OLFM3: variants seen among roughly 807,000 people sequenced by gnomAD.
OLFM3 encodes olfactomedin 3.
A neutral mutation model predicts 48.6 loss-of-function variants in OLFM3; 20 were observed. The ratio of observed to expected loss-of-function variants is 0.41; its 90% CI spans 0.29 to 0.60. The LOEUF (loss-of-function observed/expected upper bound fraction) is 0.60, where lower values mean the gene tolerates loss of function less well. Among genes scored for constraint, OLFM3 ranks in the 20% least tolerant of loss-of-function variants. The pLI, the probability that OLFM3 is intolerant of heterozygous loss-of-function variation, is 0.28. For missense variants in OLFM3, 437 were observed against 544.3 expected, an observed-to-expected ratio of 0.80 and a Z score of 1.96; for synonymous variants, 222 against 198.1, an observed-to-expected ratio of 1.12 and a Z score of -1.01.
At chr1:101,969,705 T>G (rs1481285424) in intron 1 of OLFM3, among the ~76,000 whole-genome samples, 1 of 152,082 alleles carries the variant, frequency 6.6e-6, no homozygotes, top group Admixed American at 6.6e-5. Flanking sequence ...AGATTTGCCT[T>G]CTTACTGATT....
intron 1 of OLFM3, among the ~76,000 whole-genome samples, chr1:101,996,220 CAG>C (rs978388846): frequency 2.0e-5 from 3 of 152,128 alleles, no homozygotes; most frequent in African/African-American, 7.2e-5. Flanking sequence ...TCAGCCATGG[CAG>C]AGAGTATAGC....
intron 1 of OLFM3, among the ~76,000 whole-genome samples, chr1:101,845,284 T>C (rs1012124458): frequency 6.6e-5 from 10 of 152,074 alleles, no homozygotes; most frequent in South Asian, 2.1e-4. Flanking sequence ...CAACTAACAA[T>C]TTTTCAATCA....
chr1:101,966,412 A>G (rs952527016), intron 1 of OLFM3, among the ~76,000 whole-genome samples: 3 of 151,880 alleles, frequency 2.0e-5, no homozygotes, highest in South Asian at 2.1e-4. Flanking sequence ...CACTCAAGAG[A>G]GCCACTTGCC....
At chr1:101,942,081 A>G (rs1271269268) in intron 1 of OLFM3, among the ~76,000 whole-genome samples, 4 of 152,210 alleles carry the variant, frequency 2.6e-5, no homozygotes, top group Non-Finnish European at 5.9e-5. Context: ...TTTGGATTCT[A>G]ATTACAACTG....
chr1:101,827,521 A>AT (rs1557690984), intron 3 of OLFM3, among the ~76,000 whole-genome samples: 1 of 152,076 alleles, frequency 6.6e-6, no homozygotes, highest in African/African-American at 2.4e-5. Context: ...GGGTAGGAAG[A>AT]TTTTTTAAAA....
intron 1 of OLFM3, among the ~76,000 whole-genome samples, chr1:101,926,397 T>C (rs1326403733): frequency 6.6e-6 from 1 of 152,166 alleles, no homozygotes; most frequent in Admixed American, 6.6e-5. Flanking sequence ...TTTCTACTTA[T>C]CTAGGCTGCC....
chr1:101,836,896 G>A lies in OLFM3; in HGVS notation c.199C>T (p.Arg67Cys), dbSNP rs1478170028. 3.7e-6 allele frequency: 6 copies of A among 1,614,094 alleles called. No individual in the cohort carries two copies. The highest frequency in any genetic ancestry group is 4.2e-6 in the Non-Finnish European group (5 of 1,180,006). The change falls in exon 2 of 6, where the codon CGC becomes TGC. Residue 67 changes from arginine to cysteine, a missense_variant. Arg to Cys is a radical substitution (Grantham distance 180). Transcript: ENST00000370103. ...CSRDAKSRQL[R>C]QLLEKVQNMS... ...ACACCTACCTTTTCCAGTAGTTGGC[G>A]AAGTTGCCTGCTTTTGGCATCCCGG...
At chr1:101,948,398 A>C (rs1660022955) in intron 1 of OLFM3, among the ~76,000 whole-genome samples, 1 of 152,136 alleles carries the variant, frequency 6.6e-6, no homozygotes, top group South Asian at 2.1e-4. Context: ...GAGAAGATTT[A>C]AGGAAGTAGA....
In OLFM3 at chr1:101,841,169, T is replaced by C. The variant is rs530275107; in HGVS notation, c.70-4144A>G. Among the ~76,000 whole-genome samples the C allele has an allele frequency of 2.6e-5, 4 of 152,314 alleles. No individual in the cohort carries two copies. The East Asian group carries it at 7.7e-4, about 29-fold the overall frequency. ...AATAGGAAAGAAGGATCTTGAGGCTTGACAAGTAAAAGTAAAAAATAATCA... is the reference window on the plus strand; with the variant it reads ...AATAGGAAAGAAGGATCTTGAGGCTCGACAAGTAAAAGTAAAAAATAATCA... On this transcript the variant is annotated intron_variant, in intron 1 of 5. Transcript: ENST00000370103.
At chr1:101,948,933 A>G (rs1660039462) in intron 1 of OLFM3, among the ~76,000 whole-genome samples, 1 of 149,896 alleles carries the variant, frequency 6.7e-6, no homozygotes, top group Admixed American at 6.7e-5. Flanking sequence ...AAACAACAAC[A>G]AAAAACAAAA....
chr1:101,818,450 C>T (rs1250098735), intron 4 of OLFM3, among the ~76,000 whole-genome samples: 4 of 151,924 alleles, frequency 2.6e-5, no homozygotes, highest in Non-Finnish European at 5.9e-5. Context: ...TATTTTACAA[C>T]CTAGAATTTT....
chr1:101,979,180 G>A (rs749936790), intron 1 of OLFM3, among the ~76,000 whole-genome samples: 45 of 152,178 alleles, frequency 3.0e-4, no homozygotes, highest in Non-Finnish European at 5.3e-4. Flanking sequence ...TTTTCAGTGT[G>A]GAGTTTTGAC....
At chr1:101,952,790 C>T (rs1298627926) in intron 1 of OLFM3, among the ~76,000 whole-genome samples, 2 of 151,976 alleles carry the variant, frequency 1.3e-5, no homozygotes, top group Non-Finnish European at 2.9e-5. Context: ...GTAACAAGAT[C>T]TTCCTGAGCT....
intron 4 of OLFM3, among the ~76,000 whole-genome samples, chr1:101,817,659 C>T (rs1654401904): frequency 8.8e-5 from 4 of 45,506 alleles, no homozygotes; most frequent in Admixed American, 8.5e-4. Flanking sequence ...TAATATCCTG[C>T]ACTAATAGCT....
chr1:101,850,655 T>G (rs1285733065), intron 1 of OLFM3, among the ~76,000 whole-genome samples: 1 of 152,062 alleles, frequency 6.6e-6, no homozygotes, highest in African/African-American at 2.4e-5. Context: ...AAAAACCTGA[T>G]GACCACATAA....
chr1:101,970,216 C>A (rs1450550233), intron 1 of OLFM3, among the ~76,000 whole-genome samples: 2 of 152,120 alleles, frequency 1.3e-5, no homozygotes, highest in Admixed American at 1.3e-4. Context: ...GGGGTTTCAC[C>A]ATGTTGGCCA....
intron 1 of OLFM3, among the ~76,000 whole-genome samples, chr1:101,972,192 G>T (rs1009499161): frequency 3.9e-5 from 6 of 152,228 alleles, no homozygotes; most frequent in African/African-American, 1.4e-4. Context: ...GGCACCTACT[G>T]CTCCTTGAGC....
At chr1:101,859,790 C>CTGGTT (rs1311270472) in intron 1 of OLFM3, 2 of 151,956 alleles carry the variant, frequency 1.3e-5, no homozygotes. Context: ...TGTTAAGGTG[C>CTGGTT]AAATGAATCA....
intron 1 of OLFM3, among the ~76,000 whole-genome samples, chr1:101,876,952 G>T (rs1438247794): frequency 1.3e-5 from 2 of 151,844 alleles, no homozygotes; most frequent in African/African-American, 4.8e-5. Context: ...TCTGACTTGG[G>T]TTATAATTTC....
Sources: allele counts gnomAD v4.1 joint callset (sites outside exome capture counted in the v4.1 genomes callset), GRCh38; gene constraint gnomAD v4.1.1; transcripts MANE v1.5; gene names NCBI Gene and HGNC (gene_info 2026-07-23, HGNC 2026-07-21).